B3GALT1: variants seen among roughly 807,000 people sequenced by gnomAD.
B3GALT1 encodes UDP-Gal:betaGlcNAc beta 1,3-galactosyltransferase, polypeptide 1.
B3GALT1 carries 10 observed loss-of-function variants against 23.2 expected under a neutral mutation model. That is an observed-to-expected ratio of 0.43 (90% CI 0.27 to 0.73). B3GALT1 has a LOEUF of 0.73. Among genes scored for constraint, B3GALT1 ranks in the 30% least tolerant of loss-of-function variants. The pLI is 0.21. For synonymous variants in B3GALT1, 156 were observed against 141.5 expected (o/e 1.10, Z -0.73); for missense variants, 299 against 405.4 (o/e 0.74, Z 2.25).
At chr2:167,750,534 A>G (rs915264346) in intron 3 of B3GALT1, among the ~76,000 whole-genome samples, 1 of 152,148 alleles carries the variant, frequency 6.6e-6, no homozygotes, top group African/African-American at 2.4e-5. Context: ...GATATCACTA[A>G]TTTGAAAATG....
At chr2:167,398,144 C>G (rs1698126040) in intron 1 of B3GALT1, among the ~76,000 whole-genome samples, 1 of 152,008 alleles carries the variant, frequency 6.6e-6, no homozygotes, top group South Asian at 2.1e-4. Context: ...TTAACTTGAA[C>G]AAAGTTTTTG....
chr2:167,545,438 C>T (rs1574129177), intron 2 of B3GALT1, among the ~76,000 whole-genome samples: 1 of 152,068 alleles, frequency 6.6e-6, no homozygotes, highest in East Asian at 1.9e-4. Flanking sequence ...GTTGGTGGGC[C>T]TCACTGGTTA....
chr2:167,517,928 T>G (rs562324102), intron 2 of B3GALT1, among the ~76,000 whole-genome samples: 11 of 152,252 alleles, frequency 7.2e-5, no homozygotes, highest in African/African-American at 2.6e-4. Flanking sequence ...GCCACTCAAG[T>G]CTATAAAAAA....
chr2:167,734,721 G>A (rs1436209812), intron 3 of B3GALT1, among the ~76,000 whole-genome samples: 5 of 152,226 alleles, frequency 3.3e-5, no homozygotes, highest in Non-Finnish European at 5.9e-5. Flanking sequence ...CCCAAGTATC[G>A]TTCCTGGACT....
chr2:167,350,472 C>T (rs1020031898), intron 1 of B3GALT1, among the ~76,000 whole-genome samples: 1 of 152,162 alleles, frequency 6.6e-6, no homozygotes, highest in African/African-American at 2.4e-5. Context: ...ACGACACCTC[C>T]CCTGTGTTCC....
At chr2:167,424,430 A>G (rs1236167209) in intron 1 of B3GALT1, among the ~76,000 whole-genome samples, 1 of 152,200 alleles carries the variant, frequency 6.6e-6, no homozygotes, top group African/African-American at 2.4e-5. Flanking sequence ...CTGGGACTTC[A>G]TTGATCACTG....
intron 1 of B3GALT1, among the ~76,000 whole-genome samples, chr2:167,438,953 T>C (rs894182256): frequency 4.6e-5 from 7 of 152,296 alleles, no homozygotes; most frequent in South Asian, 2.1e-4. Flanking sequence ...TAGAAAGATA[T>C]TGTATTATCT....
chr2:167,840,245 C>G (rs1055590323), intron 4 of B3GALT1, among the ~76,000 whole-genome samples: 1 of 152,024 alleles, frequency 6.6e-6, no homozygotes, highest in Admixed American at 6.5e-5. Flanking sequence ...AACAGGCAAC[C>G]CACAAAATGG....
chr2:167,750,009 T>A (rs1687710779), intron 3 of B3GALT1, among the ~76,000 whole-genome samples: 2 of 152,186 alleles, frequency 1.3e-5, no homozygotes, highest in Non-Finnish European at 2.9e-5. Flanking sequence ...GGCATGAGAG[T>A]GTGTAAAACC....
chr2:167,444,647 T>A (rs552029997), intron 1 of B3GALT1, among the ~76,000 whole-genome samples: 1 of 152,364 alleles, frequency 6.6e-6, no homozygotes, highest in East Asian at 1.9e-4. Flanking sequence ...TTCTAGTTTA[T>A]TTGCGTAGAG....
At chr2:167,808,150 G>T (rs567816118) in intron 3 of B3GALT1, among the ~76,000 whole-genome samples, 2 of 150,952 alleles carry the variant, frequency 1.3e-5, no homozygotes, top group East Asian at 1.9e-4. Flanking sequence ...TTTTCCATTG[G>T]CTTGGTAGAT....
At chr2:167,565,769 A>G (rs1684149953) in intron 2 of B3GALT1, among the ~76,000 whole-genome samples, 1 of 152,228 alleles carries the variant, frequency 6.6e-6, no homozygotes, top group South Asian at 2.1e-4. Context: ...ATCACTGGCC[A>G]TCAGAGAAAT....
intron 2 of B3GALT1, among the ~76,000 whole-genome samples, chr2:167,491,542 C>T (rs1699710666): frequency 7.1e-6 from 1 of 140,944 alleles, no homozygotes. Flanking sequence ...GGGCTGGGTG[C>T]AGTGGCTTAC....
rs1684552220 is a variant in B3GALT1 at position 167,584,498 on chromosome 2, TTC to T, written c.-409-62410_-409-62409del. On this transcript the variant is annotated intron_variant, in intron 2 of 4. Transcript: ENST00000392690. Reference sequence around the variant, plus strand: ...TCTCCCTACCAAGCAAGCAATTAGTTTCACAGCAGATACCAGCTGGGTGTTCT... The same window carrying T: ...TCTCCCTACCAAGCAAGCAATTAGTTACAGCAGATACCAGCTGGGTGTTCT... 4.6e-5 allele frequency among the ~76,000 whole-genome samples: 7 copies of T among 152,262 alleles called. No homozygotes were observed. The South Asian group carries it at 1.5e-3, about 32-fold the overall frequency.
At chr2:167,496,590 G>A (rs770069116) in intron 2 of B3GALT1, among the ~76,000 whole-genome samples, 3 of 152,118 alleles carry the variant, frequency 2.0e-5, no homozygotes, top group Non-Finnish European at 4.4e-5. Flanking sequence ...CACTGTTCTA[G>A]GCCTTTGTGA....
chr2:167,580,998 A>G (rs1479968803), intron 2 of B3GALT1, among the ~76,000 whole-genome samples: 1 of 152,126 alleles, frequency 6.6e-6, no homozygotes, highest in East Asian at 1.9e-4. Flanking sequence ...TTTGTTATAA[A>G]CTGTATTCTC....
chr2:167,477,633 G>T (rs1201927373), intron 1 of B3GALT1, among the ~76,000 whole-genome samples: 1 of 152,170 alleles, frequency 6.6e-6, no homozygotes, highest in Non-Finnish European at 1.5e-5. Flanking sequence ...GTCACTAGAA[G>T]TGCATGTCTA....
At chr2:167,738,730 T>C (rs1379075789) in intron 3 of B3GALT1, among the ~76,000 whole-genome samples, 1 of 152,192 alleles carries the variant, frequency 6.6e-6, no homozygotes, top group Non-Finnish European at 1.5e-5. Context: ...ATTCTTAGCC[T>C]TTTAGAATAA....
intron 2 of B3GALT1, among the ~76,000 whole-genome samples, chr2:167,567,108 C>G (rs1684186681): frequency 6.6e-6 from 1 of 152,112 alleles, no homozygotes; most frequent in Admixed American, 6.5e-5. Context: ...GAATGATGAT[C>G]CCCTTCCTGT....
Sources: gnomAD v4.1 joint callset for allele counts (sites outside exome capture counted in the v4.1 genomes callset) on GRCh38, gnomAD v4.1.1 for gene constraint, MANE v1.5 for transcripts, NCBI Gene and HGNC (gene_info 2026-07-23, HGNC 2026-07-21) for gene names.